Variants in B3GALNT2 observed in about 807,000 individuals in gnomAD.
B3GALNT2 encodes the protein UDP-GalNAc:beta-1,3-N-acetylgalactosaminyltransferase 2.
B3GALNT2 carries 53 observed loss-of-function variants against 61.1 expected under a neutral mutation model. That is an observed-to-expected ratio of 0.87 (90% CI 0.70 to 1.09). B3GALNT2 has a LOEUF of 1.09. Among genes scored for constraint, B3GALNT2 ranks in the 50% least tolerant of loss-of-function variants. B3GALNT2 has a pLI of 0.00. For synonymous variants in B3GALNT2, 223 were observed against 237.4 expected, an observed-to-expected ratio of 0.94 and a Z score of 0.56; for missense variants, 544 against 623.0, an observed-to-expected ratio of 0.87 and a Z score of 1.35.
intron 7 of B3GALNT2, among the ~76,000 whole-genome samples, chr1:235,459,626 CAAATA>C (rs1683323163): frequency 6.6e-6 from 1 of 151,624 alleles, no homozygotes; most frequent in African/African-American, 2.4e-5. Context: ...GACCCTGTCT[CAAATA>C]AATAAATAAA....
intron 6 of B3GALNT2, among the ~76,000 whole-genome samples, chr1:235,468,695 C>T (rs1420521513): frequency 6.6e-6 from 1 of 150,806 alleles, no homozygotes; most frequent in Non-Finnish European, 1.5e-5. Context: ...TCGTGATCCT[C>T]CCACCTCAGC....
In B3GALNT2 at chr1:235,504,408, C is replaced by G; in HGVS notation, c.-156G>C. On this transcript the variant is annotated 5_prime_UTR_variant, in exon 1 of 12. Transcript: ENST00000366600. The stretch of plus-strand genomic sequence containing the variant: ...CGTCTGGGGGGCTCCTCGCAGCTCC[C>G]GGCCCCGCTCCTCCGGTCCCTCAGA... 1.3e-6 allele frequency: 1 copy of G among 769,662 alleles called. No individual in the cohort carries two copies. Among genetic ancestry groups the G allele is most frequent in the Non-Finnish European group, 1.9e-6 (1 of 540,054 alleles). 47.7% of individuals were successfully genotyped at this position (769,662 alleles called of 1,614,324 possible). A position where few individuals can be genotyped will look rare whatever the true frequency, so the allele number is the denominator to read the frequency against.
intron 11 of B3GALNT2, chr1:235,451,594 A>T (rs1682904651): frequency 6.6e-6 from 1 of 152,190 alleles, no homozygotes; most frequent in African/African-American, 2.4e-5. Context: ...ACCAGATACA[A>T]AAAAGAATTA....
intron 5 of B3GALNT2, among the ~76,000 whole-genome samples, chr1:235,476,384 C>G (rs1171065627): frequency 1.3e-5 from 2 of 152,126 alleles, no homozygotes; most frequent in African/African-American, 4.8e-5. Context: ...GCACTCCCGC[C>G]TGGGTGACAG....
chr1:235,466,831 C>T (rs1683717878), intron 6 of B3GALNT2, among the ~76,000 whole-genome samples: 1 of 152,224 alleles, frequency 6.6e-6, no homozygotes, highest in African/African-American at 2.4e-5. Flanking sequence ...CACTATGGTA[C>T]ATCTACCAGA....
At chr1:235,496,215 G>A (rs1480182920) in intron 1 of B3GALNT2, 1 of 210,760 alleles carries the variant, frequency 4.7e-6, no homozygotes, top group Non-Finnish European at 9.8e-6. Context: ...GGAGGCTGAG[G>A]CAGGAGAATC....
chr1:235,458,038 G>A (rs1207638529), intron 8 of B3GALNT2, among the ~76,000 whole-genome samples: 1 of 151,806 alleles, frequency 6.6e-6, no homozygotes, highest in Admixed American at 6.6e-5. Flanking sequence ...CCCCTGAGTG[G>A]CTGGCATTAT....
chr1:235,456,925 A>G (rs1683192383), intron 8 of B3GALNT2, among the ~76,000 whole-genome samples: 1 of 152,062 alleles, frequency 6.6e-6, no homozygotes, highest in Non-Finnish European at 1.5e-5. Flanking sequence ...ACAGCTGCCT[A>G]AACTTAACCT....
intron 7 of B3GALNT2, among the ~76,000 whole-genome samples, chr1:235,461,934 G>C (rs1202750898): frequency 6.6e-6 from 1 of 152,220 alleles, no homozygotes. Flanking sequence ...TGTGACTACA[G>C]TCTTGTGAGA....
intron 7 of B3GALNT2, chr1:235,464,646 C>G (rs894812375): frequency 6.6e-6 from 1 of 152,130 alleles, no homozygotes; most frequent in Non-Finnish European, 1.5e-5. Context: ...CCCAGCTATT[C>G]GGGAGGCTGA....
At chr1:235,472,639 T>C (rs566102479) in intron 5 of B3GALNT2, among the ~76,000 whole-genome samples, 3 of 152,294 alleles carry the variant, frequency 2.0e-5, no homozygotes, top group Admixed American at 1.3e-4. Flanking sequence ...TGGCCTGACA[T>C]GACTGACAAC....
At chr1:235,491,780 GCTCA>G (rs1312013887) in intron 2 of B3GALNT2, among the ~76,000 whole-genome samples, 2 of 151,560 alleles carry the variant, frequency 1.3e-5, no homozygotes, top group African/African-American at 4.9e-5. Flanking sequence ...CATGTGATCT[GCTCA>G]CTGTCTGCCT....
downstream of B3GALNT2, among the ~76,000 whole-genome samples, chr1:235,442,324 C>T (rs1681947591): frequency 6.6e-6 from 1 of 152,178 alleles, no homozygotes; most frequent in African/African-American, 2.4e-5. Flanking sequence ...GCATGCGCCA[C>T]CACACCCAGT....
intron 5 of B3GALNT2, among the ~76,000 whole-genome samples, chr1:235,473,158 C>T (rs1010577895): frequency 1.3e-5 from 2 of 152,220 alleles, no homozygotes; most frequent in African/African-American, 4.8e-5. Context: ...AGTGATCTGC[C>T]TGCCTCAGCC....
At chr1:235,475,146 C>T (rs1394955025) in intron 5 of B3GALNT2, among the ~76,000 whole-genome samples, 5 of 150,410 alleles carry the variant, frequency 3.3e-5, no homozygotes, top group East Asian at 3.9e-4. Flanking sequence ...TACAGGCATG[C>T]GCCACCACAC....
chr1:235,454,349 G>T (rs1241071251), intron 9 of B3GALNT2, 34 bp from the exon 10 acceptor site: 2 of 1,560,996 alleles, frequency 1.3e-6, no homozygotes, highest in Admixed American at 1.7e-5. Context: ...TCTTGTGTTA[G>T]TCTGACACAT....
downstream of B3GALNT2, among the ~76,000 whole-genome samples, chr1:235,445,212 T>G (rs1682166135): frequency 6.6e-6 from 1 of 152,250 alleles, no homozygotes; most frequent in Non-Finnish European, 1.5e-5. Context: ...TCCCCTTTTT[T>G]ATTTGCTTTT....
chr1:235,461,511 T>G (rs1225856417), intron 7 of B3GALNT2, among the ~76,000 whole-genome samples: 1 of 126,782 alleles, frequency 7.9e-6, no homozygotes, highest in Non-Finnish European at 1.7e-5. Flanking sequence ...CCTCCTGTTT[T>G]TTTTTTTTTT....
chr1:235,465,626 G>A lies in B3GALNT2; in HGVS notation c.841+10C>T. On this transcript the variant is annotated intron_variant, in intron 7 of 11. Transcript: ENST00000366600. ...CAGTGTACTTTTCAAGTTTCAACTAGCAAACTTACCCTGAATAGTATATAT... is the reference window on the plus strand; with the variant it reads ...CAGTGTACTTTTCAAGTTTCAACTAACAAACTTACCCTGAATAGTATATAT... 1 of 1,612,806 alleles carries A rather than the reference G, an allele frequency of 6.2e-7. No individual in the cohort carries two copies. The highest frequency in any genetic ancestry group is 8.5e-7 in the Non-Finnish European group (1 of 1,179,508).
Sources: allele counts gnomAD v4.1 joint callset (sites outside exome capture counted in the v4.1 genomes callset), GRCh38; gene constraint gnomAD v4.1.1; transcripts MANE v1.5; gene names NCBI Gene and HGNC (gene_info 2026-07-23, HGNC 2026-07-21).